Variants in SH3GL2 observed in about 807,000 individuals in gnomAD.
SH3GL2 encodes SH3 domain containing GRB2 like 2, endophilin A1, also known as endophilin-A1.
In SH3GL2, 24 loss-of-function variants were observed where a neutral mutation model predicts 46.0. That is an observed-to-expected ratio of 0.52 (90% CI 0.38 to 0.73). The LOEUF (loss-of-function observed/expected upper bound fraction) is 0.73. SH3GL2 is among the 30% of genes least tolerant of loss of function. The pLI is 0.00. For synonymous variants in SH3GL2, 196 were observed against 147.1 expected (o/e 1.33, Z -2.40); for missense variants, 413 against 424.2 (o/e 0.97, Z 0.23).
At chr9:17,600,491 G>A (rs1415663491) in intron 1 of SH3GL2, among the ~76,000 whole-genome samples, 1 of 152,206 alleles carries the variant, frequency 6.6e-6, no homozygotes, top group African/African-American at 2.4e-5. Flanking sequence ...TCAGAGAACA[G>A]TTTTAATAAA....
At chr9:17,766,816 C>T (rs1588315869) in intron 3 of SH3GL2, among the ~76,000 whole-genome samples, 1 of 151,974 alleles carries the variant, frequency 6.6e-6, no homozygotes, top group Non-Finnish European at 1.5e-5. Context: ...AGATAGTTTG[C>T]CTTTCTGTTC....
At position 17,588,339 on chromosome 9, in the gene SH3GL2, G is replaced by A. The variant is rs146412728; in HGVS notation, c.45+9052G>A. 2.3e-3 allele frequency among the ~76,000 whole-genome samples: 348 copies of A among 152,280 alleles called. 2 individuals are homozygous for A. The highest frequency in any genetic ancestry group is 7.9e-3 in the African/African-American group (330 of 41,566). ...CCTCCCCTTTGAGTGTGGGTGCAAT[G>A]TTCAATTTGAAAAGATGTTATTCCT... On this transcript the variant is annotated intron_variant, in intron 1 of 8. Coordinates refer to ENST00000380607, the MANE Select transcript of SH3GL2 (RefSeq NM_003026.5).
At chr9:17,696,529 G>T (rs1341576513) in intron 1 of SH3GL2, among the ~76,000 whole-genome samples, 6 of 152,092 alleles carry the variant, frequency 3.9e-5, no homozygotes, top group African/African-American at 1.4e-4. Context: ...GAAACTTACA[G>T]GCCTGGCAAA....
chr9:17,621,704 A>G (rs1359560346), intron 1 of SH3GL2, among the ~76,000 whole-genome samples: 2 of 152,204 alleles, frequency 1.3e-5, no homozygotes, highest in South Asian at 2.1e-4. Flanking sequence ...TCACTAAAAG[A>G]TGCGTGTTCT....
At position 17,598,183 on chromosome 9, in the gene SH3GL2, C is replaced by T. The variant is rs115871408; in HGVS notation, c.45+18896C>T. On this transcript the variant is annotated intron_variant, in intron 1 of 8. Coordinates refer to ENST00000380607, the MANE Select transcript of SH3GL2 (RefSeq NM_003026.5). ...TGAGGTGCAGCTGGGGAAGCTCTCA[C>T]CAGCTGACGTCATTCAAAAAGTGAA... Among the ~76,000 whole-genome samples, 222 of 152,216 alleles carry T rather than the reference C, an allele frequency of 1.5e-3. 1 individual carries two copies. The highest frequency in any genetic ancestry group is 4.9e-3 in the African/African-American group (205 of 41,532).
intron 1 of SH3GL2, among the ~76,000 whole-genome samples, chr9:17,696,935 G>C (rs959012689): frequency 6.6e-6 from 1 of 151,842 alleles, no homozygotes; most frequent in African/African-American, 2.4e-5. Context: ...ATTTTAGAGT[G>C]ACTTTTAAAG....
At chr9:17,679,547 C>T (rs567155633) in intron 1 of SH3GL2, among the ~76,000 whole-genome samples, 2 of 152,276 alleles carry the variant, frequency 1.3e-5, no homozygotes, top group African/African-American at 4.8e-5. Context: ...ATGGGGTTTT[C>T]TAGATATACA....
rs542518556 is a variant in SH3GL2 at position 17,657,684 on chromosome 9, G to C, written c.45+78397G>C. The stretch of plus-strand genomic sequence containing the variant: ...CGTTAGTATTTGTGGCACTCACTCT[G>C]TGATTTGGCCTATTTCACCTCCCTA... On this transcript the variant is annotated intron_variant, in intron 1 of 8. Transcript: ENST00000380607. Among the ~76,000 whole-genome samples the C allele has an allele frequency of 2.4e-4, 37 of 152,010 alleles. No homozygotes were observed. In the South Asian group the frequency reaches 6.7e-3, roughly 27 times the overall value.
At chr9:17,789,953 G>C (rs1031532389) in intron 6 of SH3GL2, 1 of 166,618 alleles carries the variant, frequency 6.0e-6, no homozygotes, top group Non-Finnish European at 1.2e-5. Context: ...AAATCGTAAA[G>C]TCAGGGACCA....
intron 3 of SH3GL2, among the ~76,000 whole-genome samples, chr9:17,775,799 A>T (rs1823625567): frequency 6.6e-6 from 1 of 152,156 alleles, no homozygotes. Context: ...CAGTCAGAAC[A>T]TAAAGATGTG....
Position 17,793,476 on chromosome 9 carries a change from A to G in SH3GL2, c.838A>G (p.Thr280Ala). 2.5e-6 allele frequency: 4 copies of G among 1,613,186 alleles called. No homozygotes were observed. Among genetic ancestry groups the G allele is most frequent in the Non-Finnish European group, 2.5e-6 (3 of 1,179,686 alleles). The change falls in exon 8 of 9, where the codon ACA becomes GCA. Residue 280 changes from threonine (T) to alanine (A), a missense_variant. Thr to Ala is a moderately conservative substitution (Grantham distance 58). Transcript: ENST00000380607. ...STQPNGGLSH[T>A]GTPKPSGVQM... ...TCAGCCCAATGGGGGTCTCTCCCAC[A>G]CAGGCACTCCCAAACCTTCAGGTAA...
At chr9:17,665,219 T>C (rs1001580824) in intron 1 of SH3GL2, among the ~76,000 whole-genome samples, 2 of 152,170 alleles carry the variant, frequency 1.3e-5, no homozygotes, top group African/African-American at 2.4e-5. Flanking sequence ...CATAGTACAG[T>C]GATAAGAAAC....
chr9:17,775,408 A>G (rs1018691628), intron 3 of SH3GL2, among the ~76,000 whole-genome samples: 8 of 152,170 alleles, frequency 5.3e-5, no homozygotes, highest in Admixed American at 3.3e-4. Context: ...TTCATTTTCC[A>G]TCTGTAAAAT....
intron 1 of SH3GL2, among the ~76,000 whole-genome samples, chr9:17,661,620 T>G (rs2117889900): frequency 6.6e-6 from 1 of 152,342 alleles, no homozygotes; most frequent in East Asian, 1.9e-4. Flanking sequence ...TGTGTGTGTG[T>G]TGAATTACAT....
chr9:17,582,161 T>C (rs887046593), intron 1 of SH3GL2, among the ~76,000 whole-genome samples: 1 of 152,224 alleles, frequency 6.6e-6, no homozygotes, highest in Admixed American at 6.5e-5. Context: ...ATTTCTACCT[T>C]GTTGCTGACA....
intron 1 of SH3GL2, among the ~76,000 whole-genome samples, chr9:17,711,664 A>G (rs1821628444): frequency 2.0e-5 from 3 of 152,018 alleles, no homozygotes; most frequent in East Asian, 1.9e-4. Context: ...ATATTGCCAA[A>G]TAGTATTCCA....
intron 1 of SH3GL2, among the ~76,000 whole-genome samples, chr9:17,723,927 A>T (rs1821957794): frequency 6.6e-6 from 1 of 151,992 alleles, no homozygotes; most frequent in Admixed American, 6.6e-5. Context: ...TGATTTCAAG[A>T]GTTTATCTTT....
intron 2 of SH3GL2, chr9:17,755,617 T>C (rs1255092259): frequency 5.9e-6 from 1 of 168,190 alleles, no homozygotes; most frequent in African/African-American, 2.4e-5. Context: ...TATTTATATA[T>C]TAATGATCAC....
intron 3 of SH3GL2, among the ~76,000 whole-genome samples, chr9:17,773,827 A>G (rs117101710): frequency 0.012 from 1,783 of 152,200 alleles, 27 homozygotes; most frequent in East Asian, 0.059. Context: ...TTCCATTTCT[A>G]CAAAAAATGT....
Sources: gnomAD v4.1 joint callset for allele counts (sites outside exome capture counted in the v4.1 genomes callset) on GRCh38, gnomAD v4.1.1 for gene constraint, MANE v1.5 for transcripts, NCBI Gene and HGNC (gene_info 2026-07-23, HGNC 2026-07-21) for gene names.